The following FLRT2 variants were observed in gnomAD, a reference collection of about 807,000 sequenced individuals.
The protein encoded by FLRT2 is leucine-rich repeat transmembrane protein FLRT2.
In FLRT2, 15 loss-of-function variants were observed where a neutral mutation model predicts 40.0. The observed-to-expected ratio is 0.38, with a 90% CI of 0.25 to 0.58. The LOEUF (loss-of-function observed/expected upper bound fraction) is 0.58. FLRT2 is among the 20% of genes least tolerant of loss of function. The pLI is 0.71. For synonymous variants in FLRT2, 380 were observed against 336.8 expected (o/e 1.13, Z -1.41); for missense variants, 726 against 840.0 (o/e 0.86, Z 1.68).
chr14:85,623,628 T>C lies in FLRT2; in HGVS notation c.*131T>C. ...TGCATTTGTGCATTTGAATACTCTG[T>C]AATTTATACGGTGTACTATATAATG... is the stretch of plus-strand genomic sequence containing the variant. On this transcript the variant is annotated 3_prime_UTR_variant, in exon 2 of 2. Coordinates refer to ENST00000330753, the MANE Select transcript of FLRT2 (RefSeq NM_013231.6). 1.5e-6 allele frequency: 1 copy of C among 671,570 alleles called. No homozygotes were observed. Among genetic ancestry groups the C allele is most frequent in the South Asian group, 5.0e-5 (1 of 19,900 alleles). 41.6% of individuals were successfully genotyped at this position (671,570 alleles called of 1,614,324 possible). A position where few individuals can be genotyped will look rare whatever the true frequency, so the allele number is the denominator to read the frequency against.
At chr14:85,547,251 C>G (rs1889327982) in intron 1 of FLRT2, among the ~76,000 whole-genome samples, 2 of 152,092 alleles carry the variant, frequency 1.3e-5, no homozygotes, top group South Asian at 4.2e-4. Context: ...GGATGTGTCC[C>G]CATTTTTATC....
At chr14:85,613,743 A>G (rs1893001736) in intron 1 of FLRT2, among the ~76,000 whole-genome samples, 1 of 152,216 alleles carries the variant, frequency 6.6e-6, no homozygotes, top group Non-Finnish European at 1.5e-5. Flanking sequence ...CCTAGAGCTT[A>G]CAGAGAAGCA....
chr14:85,603,121 G>A (rs1402858290), intron 1 of FLRT2, among the ~76,000 whole-genome samples: 1 of 152,108 alleles, frequency 6.6e-6, no homozygotes. Flanking sequence ...ATGACCATCT[G>A]CCTTAAATTA....
rs1314441599 is a variant in FLRT2 at position 85,653,334 on chromosome 14, A to G, written c.*29837A>G. ...TCTAGATGAGAAATCTTCTGGTGCC[A>G]TCAATGGGATGCAATTTGGCTAGTC... On this transcript the variant is annotated 3_prime_UTR_variant, in exon 2 of 2. Transcript: ENST00000330753. 1.3e-5 allele frequency: 2 copies of G among 152,166 alleles called. No homozygotes were observed. The highest frequency in any genetic ancestry group is 2.9e-5 in the Non-Finnish European group (2 of 68,032). 9.4% of individuals were successfully genotyped at this position (152,166 alleles called of 1,614,324 possible).
intron 1 of FLRT2, among the ~76,000 whole-genome samples, chr14:85,552,084 T>C (rs1889661003): frequency 6.6e-6 from 1 of 152,200 alleles, no homozygotes; most frequent in African/African-American, 2.4e-5. Flanking sequence ...CATTAAATTC[T>C]AGGTTTTATG....
chr14:85,605,878 T>C (rs1402534789), intron 1 of FLRT2, among the ~76,000 whole-genome samples: 2 of 152,232 alleles, frequency 1.3e-5, no homozygotes, highest in East Asian at 1.9e-4. Flanking sequence ...TATATTTCCA[T>C]AGCACCGATT....
In FLRT2 at chr14:85,645,080, T is replaced by C. The variant is rs1233187088; in HGVS notation, c.*21583T>C. 6.6e-6 allele frequency: 1 copy of C among 152,056 alleles called. No homozygotes were observed. Among genetic ancestry groups the C allele is most frequent in the Non-Finnish European group, 1.5e-5 (1 of 68,024 alleles). 9.4% of individuals were successfully genotyped at this position (152,056 alleles called of 1,614,324 possible). On this transcript the variant is annotated 3_prime_UTR_variant, in exon 2 of 2. Coordinates refer to ENST00000330753, the MANE Select transcript of FLRT2 (RefSeq NM_013231.6). The stretch of plus-strand genomic sequence containing the variant: ...TAGTAATGCAACTGAACTGTAATCA[T>C]GAGTTTTGATCAACCAACCATAAAG...
rs755919121 is a variant in FLRT2 at position 85,654,283 on chromosome 14, T to G, written c.*30786T>G. Reference sequence around the variant, plus strand: ...ACTTTGTCTATGTAATTGTAGTGTATACTTATTATTGACAACTTGAAGAAA... The same window carrying G: ...ACTTTGTCTATGTAATTGTAGTGTAGACTTATTATTGACAACTTGAAGAAA... On this transcript the variant is annotated 3_prime_UTR_variant, in exon 2 of 2. Coordinates refer to ENST00000330753, the MANE Select transcript of FLRT2 (RefSeq NM_013231.6). 1 of 152,160 alleles carries G rather than the reference T, an allele frequency of 6.6e-6. No individual in the cohort carries two copies. Among genetic ancestry groups the G allele is most frequent in the Admixed American group, 6.6e-5 (1 of 15,252 alleles). The allele number at this position is 152,160 out of a possible 1,614,324, so 9.4% of individuals were successfully genotyped here.
chr14:85,589,815 C>T (rs1176609215), intron 1 of FLRT2, among the ~76,000 whole-genome samples: 1 of 152,148 alleles, frequency 6.6e-6, no homozygotes, highest in Non-Finnish European at 1.5e-5. Context: ...TCTATTTTCA[C>T]TCTTCTGCCT....
In FLRT2 at chr14:85,627,449, G is replaced by A. The variant is rs982558972; in HGVS notation, c.*3952G>A. The stretch of plus-strand genomic sequence containing the variant: ...AAGAGTTTTGTATATGTCTGATACC[G>A]TTGTTATAACAAAACAAATTTTTTT... On this transcript the variant is annotated 3_prime_UTR_variant, in exon 2 of 2. Coordinates refer to ENST00000330753, the MANE Select transcript of FLRT2 (RefSeq NM_013231.6). 3.0e-5 allele frequency: 5 copies of A among 167,008 alleles called. No individual in the cohort carries two copies. Among genetic ancestry groups the A allele is most frequent in the Non-Finnish European group, 5.9e-5 (4 of 68,110 alleles). The allele number at this position is 167,008 out of a possible 1,614,324, so 10.3% of individuals were successfully genotyped here.
At chr14:85,610,893 T>C (rs1327387061) in intron 1 of FLRT2, among the ~76,000 whole-genome samples, 1 of 152,062 alleles carries the variant, frequency 6.6e-6, no homozygotes, top group Admixed American at 6.5e-5. Context: ...GTTTTGTAGT[T>C]TTAATTAATG....
rs1894305665 is a variant in FLRT2, at chr14:85,646,424, G to A, written c.*22927G>A. ...AGCTCACAGACCAAATTAAGATGCT[G>A]AAGTCAGATGACTTATGAATCAATT... On this transcript the variant is annotated 3_prime_UTR_variant, in exon 2 of 2. Transcript: ENST00000330753. 6.6e-6 allele frequency: 1 copy of A among 152,182 alleles called. No individual in the cohort carries two copies. Among genetic ancestry groups the A allele is most frequent in the Non-Finnish European group, 1.5e-5 (1 of 68,050 alleles). The allele number at this position is 152,182 out of a possible 1,614,324, so 9.4% of individuals were successfully genotyped here.
Position 85,621,739 on chromosome 14 carries a change from T to G in FLRT2, c.225T>G (p.Ile75Met). The G allele has an allele frequency of 1.2e-6, 2 of 1,614,174 alleles. 1 individual carries two copies. The highest frequency in any genetic ancestry group is 2.2e-5 in the South Asian group (2 of 91,086). ...TACTCTACCTCCACAACAACCAAAT[T>G]AATAATGCTGGATTTCCTGCAGAAC... is the stretch of plus-strand genomic sequence containing the variant. The part of the protein sequence containing the change: ...VTVLYLHNNQ[I>M]NNAGFPAELH... Residue 75 changes from isoleucine to methionine, a missense_variant, in exon 2 of 2, where the codon ATT (isoleucine) becomes ATG (methionine). Ile to Met is a conservative substitution (Grantham distance 10). Coordinates refer to ENST00000330753, the MANE Select transcript of FLRT2 (RefSeq NM_013231.6).
chr14:85,618,014 G>A (rs990278108), intron 1 of FLRT2, among the ~76,000 whole-genome samples: 1 of 152,194 alleles, frequency 6.6e-6, no homozygotes. Context: ...AGCAAGGCCT[G>A]GGGGCAAAGG....
intron 1 of FLRT2, among the ~76,000 whole-genome samples, chr14:85,576,647 T>A (rs905893062): frequency 6.6e-6 from 1 of 152,238 alleles, no homozygotes; most frequent in Non-Finnish European, 1.5e-5. Context: ...CAGTACACAC[T>A]GGTTGGACCT....
intron 1 of FLRT2, among the ~76,000 whole-genome samples, chr14:85,592,604 C>T (rs9323767): frequency 0.31 from 46,513 of 151,454 alleles, 7,852 homozygotes; most frequent in African/African-American, 0.45. Flanking sequence ...CCCTGGCCAA[C>T]ATGGTGAAAC....
At chr14:85,569,842 G>T (rs1451341251) in intron 1 of FLRT2, among the ~76,000 whole-genome samples, 2 of 152,202 alleles carry the variant, frequency 1.3e-5, no homozygotes, top group Non-Finnish European at 2.9e-5. Flanking sequence ...GATGACAAGT[G>T]TTGTCATGAC....
intron 1 of FLRT2, among the ~76,000 whole-genome samples, chr14:85,532,061 G>A (rs1888318015): frequency 6.6e-6 from 1 of 152,240 alleles, no homozygotes; most frequent in African/African-American, 2.4e-5. Context: ...AATTGGGGAA[G>A]TGGTGCCAAG....
At position 85,643,350 on chromosome 14, in the gene FLRT2, T is replaced by TTCCTTCCTTCCTTC. The variant is rs1555373568; in HGVS notation, c.*19853_*19854insTCCTTCCTTCCTTC. On this transcript the variant is annotated 3_prime_UTR_variant, in exon 2 of 2. Transcript: ENST00000330753. ...TTCTTTCTTTCTTTCTTTCTTTCTT[T>TTCCTTCCTTCCTTC]CTTTCTTCCTTCCTTCCTTCCTTCC... The TTCCTTCCTTCCTTC allele has an allele frequency of 3.3e-3, 140 of 42,764 alleles. No individual in the cohort carries two copies. Among genetic ancestry groups the TTCCTTCCTTCCTTC allele is most frequent in the Middle Eastern group, 0.011 (1 of 88 alleles). The allele number at this position is 42,764 out of a possible 1,614,324, so 2.6% of individuals were successfully genotyped here.
Sources: allele counts gnomAD v4.1 joint callset (sites outside exome capture counted in the v4.1 genomes callset), GRCh38; gene constraint gnomAD v4.1.1; transcripts MANE v1.5; gene names NCBI Gene and HGNC (gene_info 2026-07-23, HGNC 2026-07-21).